Variants in MACROD2 observed in about 807,000 individuals in gnomAD.
MACROD2 encodes the protein ADP-ribose glycohydrolase MACROD2.
Under a neutral mutation model 70.4 loss-of-function variants are expected in MACROD2, and 36 were observed. The observed-to-expected ratio is 0.51, with a 90% CI of 0.39 to 0.68. The LOEUF is 0.68. Ranked by LOEUF, MACROD2 falls within the 30% of genes least tolerant of loss-of-function variation. The probability of loss-of-function intolerance (pLI) is 0.00; values close to 1 mark genes in which losing one functional copy is unlikely to be tolerated. For synonymous variants in MACROD2, 172 were observed against 178.8 expected (o/e 0.96, Z 0.30); for missense variants, 496 against 538.4 (o/e 0.92, Z 0.78).
In MACROD2 at chr20:14,857,165, G is replaced by C. The variant is rs568863514; in HGVS notation, c.418+172206G>C. ...AAACCGTTATCCCTATTCTCTCTCT[G>C]TTCTCCAAGGCTGATCATCTCACTG... On this transcript the variant is annotated intron_variant, in intron 5 of 17. Transcript: ENST00000684519. Among the ~76,000 whole-genome samples the C allele has an allele frequency of 4.0e-4, 61 of 152,226 alleles. 2 individuals carry two copies. The highest frequency in any genetic ancestry group is 7.2e-4 in the Admixed American group (11 of 15,288).
At chr20:15,285,139 C>T (rs6043172) in intron 6 of MACROD2, among the ~76,000 whole-genome samples, 7,605 of 152,148 alleles carry the variant, frequency 0.05, 196 homozygotes, top group South Asian at 0.083. Flanking sequence ...AACAGTCCTG[C>T]CCAATGATAA....
chr20:15,045,732 T>TG (rs1218868547), intron 5 of MACROD2, among the ~76,000 whole-genome samples: 7 of 146,790 alleles, frequency 4.8e-5, no homozygotes, highest in Non-Finnish European at 7.5e-5. Context: ...TTTTTTTTTT[T>TG]TTTTTTTTTT....
intron 7 of MACROD2, among the ~76,000 whole-genome samples, chr20:15,455,867 A>G (rs1439080270): frequency 6.6e-6 from 1 of 152,060 alleles, no homozygotes; most frequent in African/African-American, 2.4e-5. Flanking sequence ...GAATTGATTG[A>G]CATTTTCACC....
chr20:15,619,128 A>G (rs577449441), intron 8 of MACROD2, among the ~76,000 whole-genome samples: 1 of 152,312 alleles, frequency 6.6e-6, no homozygotes, highest in South Asian at 2.1e-4. Context: ...GAAGAAGTTT[A>G]GGGAGGGTGA....
chr20:14,802,608 A>T (rs2072590427), intron 5 of MACROD2, among the ~76,000 whole-genome samples: 1 of 152,072 alleles, frequency 6.6e-6, no homozygotes, highest in Admixed American at 6.6e-5. Context: ...TTGAAATAAA[A>T]ATATATAATA....
At chr20:14,811,387 G>A (rs1353008257) in intron 5 of MACROD2, among the ~76,000 whole-genome samples, 2 of 152,094 alleles carry the variant, frequency 1.3e-5, no homozygotes, top group Non-Finnish European at 2.9e-5. Flanking sequence ...CTAGCTGTAT[G>A]CAGAAAACTG....
chr20:15,793,943 A>C (rs557928414), intron 8 of MACROD2, among the ~76,000 whole-genome samples: 16 of 147,774 alleles, frequency 1.1e-4, no homozygotes, highest in South Asian at 4.2e-4. Flanking sequence ...AGATAATAAA[A>C]GATATTTTAT....
intron 8 of MACROD2, among the ~76,000 whole-genome samples, chr20:15,559,231 A>G (rs1398035393): frequency 6.7e-6 from 1 of 149,702 alleles, no homozygotes; most frequent in Non-Finnish European, 1.5e-5. Context: ...CGTCTCAAAA[A>G]AAAAAAAAAA....
At chr20:14,049,183 A>AAACAAC (rs1555913500) in intron 2 of MACROD2, among the ~76,000 whole-genome samples, 1 of 146,120 alleles carries the variant, frequency 6.8e-6, no homozygotes, top group Non-Finnish European at 1.5e-5. Context: ...ATAAAAAAAA[A>AAACAAC]AAAAAACAAA....
At chr20:15,414,606 A>G (rs895265277) in intron 6 of MACROD2, among the ~76,000 whole-genome samples, 9 of 152,222 alleles carry the variant, frequency 5.9e-5, no homozygotes, top group Non-Finnish European at 1.3e-4. Context: ...TATTGTTACA[A>G]GGTACAAGTA....
chr20:15,949,704 G>A (rs761785954), intron 12 of MACROD2, among the ~76,000 whole-genome samples: 11 of 152,138 alleles, frequency 7.2e-5, no homozygotes, highest in South Asian at 6.2e-4. Flanking sequence ...TTATAGATAA[G>A]ACCTAGAATG....
intron 8 of MACROD2, among the ~76,000 whole-genome samples, chr20:15,589,122 G>A (rs1048598291): frequency 3.3e-5 from 5 of 152,152 alleles, no homozygotes; most frequent in African/African-American, 1.2e-4. Flanking sequence ...TTACATGGCG[G>A]CAGCAAGAGA....
At chr20:14,229,250 G>A (rs1339167217) in intron 3 of MACROD2, among the ~76,000 whole-genome samples, 1 of 152,168 alleles carries the variant, frequency 6.6e-6, no homozygotes, top group Non-Finnish European at 1.5e-5. Context: ...AAAAATTTCT[G>A]CTTTGTGAAA....
intron 10 of MACROD2, among the ~76,000 whole-genome samples, chr20:15,912,941 A>G (rs1374528029): frequency 6.6e-6 from 1 of 152,208 alleles, no homozygotes; most frequent in Admixed American, 6.5e-5. Context: ...TGTCATAATA[A>G]AAAGGACAGA....
At chr20:15,973,494 T>G (rs1408353829) in intron 13 of MACROD2, among the ~76,000 whole-genome samples, 1 of 152,092 alleles carries the variant, frequency 6.6e-6, no homozygotes, top group African/African-American at 2.4e-5. Context: ...ATAATAAAAT[T>G]AAAAGAAGAT....
intron 8 of MACROD2, among the ~76,000 whole-genome samples, chr20:15,746,964 A>G (rs1262045528): frequency 1.3e-5 from 2 of 152,164 alleles, no homozygotes; most frequent in Non-Finnish European, 2.9e-5. Context: ...TTCATTTGGA[A>G]TGGCACCATC....
intron 5 of MACROD2, among the ~76,000 whole-genome samples, chr20:15,002,287 G>GCT (rs2075002053): frequency 6.6e-6 from 1 of 151,236 alleles, no homozygotes; most frequent in African/African-American, 2.4e-5. Context: ...GTATTTTTTT[G>GCT]TTTTTTTTGG....
chr20:14,336,091 C>T (rs924523962), intron 3 of MACROD2, among the ~76,000 whole-genome samples: 8 of 151,962 alleles, frequency 5.3e-5, no homozygotes, highest in African/African-American at 1.5e-4. Flanking sequence ...TGAATATAAG[C>T]AAATTTATTC....
intron 3 of MACROD2, among the ~76,000 whole-genome samples, chr20:14,130,302 C>T (rs1263610275): frequency 6.6e-6 from 1 of 152,182 alleles, no homozygotes; most frequent in Non-Finnish European, 1.5e-5. Flanking sequence ...AATCCCAGCA[C>T]TTTGGGAGGC....
Sources: allele counts gnomAD v4.1 joint callset (sites outside exome capture counted in the v4.1 genomes callset), GRCh38; gene constraint gnomAD v4.1.1; transcripts MANE v1.5; gene names NCBI Gene and HGNC (gene_info 2026-07-23, HGNC 2026-07-21).